ATP8A2: variants seen among roughly 807,000 people sequenced by gnomAD.
ATP8A2 encodes phospholipid-transporting ATPase IB.
Under a neutral mutation model 165.6 loss-of-function variants are expected in ATP8A2, and 100 were observed. The ratio of observed to expected loss-of-function variants is 0.60; its 90% CI spans 0.51 to 0.71. The LOEUF is 0.71. Among genes scored for constraint, ATP8A2 ranks in the 30% least tolerant of loss-of-function variants. The pLI, the probability that ATP8A2 is intolerant of heterozygous loss-of-function variation, is 0.00. For missense variants in ATP8A2, 1,227 were observed against 1,479.5 expected (o/e 0.83, Z 2.80); for synonymous variants, 543 against 548.8 (o/e 0.99, Z 0.15).
chr13:25,747,885 G>A (rs183623497), intron 25 of ATP8A2, among the ~76,000 whole-genome samples: 2 of 152,124 alleles, frequency 1.3e-5, no homozygotes, highest in African/African-American at 4.8e-5. Context: ...CTAAGCTGAC[G>A]TTTTTAGCTG....
At chr13:25,742,653 T>C (rs1460886295) in intron 25 of ATP8A2, among the ~76,000 whole-genome samples, 2 of 140,468 alleles carry the variant, frequency 1.4e-5, no homozygotes, top group Non-Finnish European at 3.0e-5. Flanking sequence ...CCCACTCCAC[T>C]TTTCTCTCTC....
intron 33 of ATP8A2, among the ~76,000 whole-genome samples, chr13:25,921,639 GA>G (rs987858037): frequency 3.7e-5 from 5 of 135,148 alleles, no homozygotes; most frequent in African/African-American, 1.4e-4. Flanking sequence ...AAAAAAAAAA[GA>G]AAAAAACTGA....
chr13:25,839,424 T>C (rs187570400), intron 29 of ATP8A2, 122 bp from the exon 30 acceptor site: 79 of 647,410 alleles, frequency 1.2e-4, no homozygotes, highest in Non-Finnish European at 2.0e-4. Flanking sequence ...AAGAATAATA[T>C]GCTACTCCTG....
intron 24 of ATP8A2, among the ~76,000 whole-genome samples, chr13:25,615,085 G>A (rs2040787497): frequency 6.6e-6 from 1 of 152,276 alleles, no homozygotes; most frequent in Admixed American, 6.5e-5. Context: ...CAGTGGGCAG[G>A]GCCATAGAGC....
intron 24 of ATP8A2, among the ~76,000 whole-genome samples, chr13:25,674,708 G>C (rs926603277): frequency 2.0e-5 from 3 of 152,196 alleles, no homozygotes; most frequent in African/African-American, 7.2e-5. Flanking sequence ...CCCACCCGGA[G>C]ATCCTCAACA....
intron 26 of ATP8A2, among the ~76,000 whole-genome samples, chr13:25,772,038 A>G (rs970567253): frequency 1.3e-5 from 2 of 152,180 alleles, no homozygotes; most frequent in South Asian, 2.1e-4. Flanking sequence ...AAAGTTACGA[A>G]GTGGGCAAAG....
intron 25 of ATP8A2, among the ~76,000 whole-genome samples, chr13:25,719,332 T>C (rs2043322727): frequency 6.6e-6 from 1 of 152,182 alleles, no homozygotes; most frequent in South Asian, 2.1e-4. Flanking sequence ...TTTCTAAGGA[T>C]GCTACTGTCT....
intron 24 of ATP8A2, among the ~76,000 whole-genome samples, chr13:25,646,190 T>G (rs1566010320): frequency 6.6e-6 from 1 of 152,192 alleles, no homozygotes; most frequent in African/African-American, 2.4e-5. Flanking sequence ...TTTTTCTAGT[T>G]TTTTACTTAT....
At chr13:25,529,201 A>G (rs1033276710) in intron 2 of ATP8A2, among the ~76,000 whole-genome samples, 3 of 152,176 alleles carry the variant, frequency 2.0e-5, no homozygotes, top group Non-Finnish European at 2.9e-5. Context: ...GCTAGGAATC[A>G]TATAGGTACT....
chr13:25,374,236 A>G (rs966673326), intron 1 of ATP8A2, among the ~76,000 whole-genome samples: 2 of 152,214 alleles, frequency 1.3e-5, no homozygotes, highest in African/African-American at 2.4e-5. Context: ...ACCTGTGCCC[A>G]GTGCTGCTGA....
intron 28 of ATP8A2, among the ~76,000 whole-genome samples, chr13:25,830,527 A>G (rs868312819): frequency 8.5e-5 from 13 of 152,274 alleles, no homozygotes; most frequent in South Asian, 4.1e-4. Context: ...GTGAACTCCA[A>G]TGTGCCACTG....
At chr13:25,724,567 G>A (rs946434436) in intron 25 of ATP8A2, among the ~76,000 whole-genome samples, 8 of 152,176 alleles carry the variant, frequency 5.3e-5, no homozygotes, top group African/African-American at 1.9e-4. Flanking sequence ...ATTATATACT[G>A]ACTGTTTTCA....
Position 25,398,795 on chromosome 13 carries a change from G to A in ATP8A2, c.76+26507G>A, listed in dbSNP as rs146623800. Among the ~76,000 whole-genome samples the A allele has an allele frequency of 2.8e-3, 424 of 152,240 alleles. 2 individuals carry two copies. Among genetic ancestry groups the A allele is most frequent in the African/African-American group, 9.5e-3 (395 of 41,530 alleles). On this transcript the variant is annotated intron_variant, in intron 1 of 36. Coordinates refer to ENST00000381655, the MANE Select transcript of ATP8A2 (RefSeq NM_016529.6). The stretch of plus-strand genomic sequence containing the variant: ...GAGCTATCAGTGAGGTTGAGAAGTG[G>A]CAGGAAAGAGAAGAGCATCCTTCTC...
At chr13:25,888,529 G>A (rs1000371925) in intron 33 of ATP8A2, among the ~76,000 whole-genome samples, 9 of 152,204 alleles carry the variant, frequency 5.9e-5, no homozygotes, top group Non-Finnish European at 1.3e-4. Flanking sequence ...GTGCTCAAAT[G>A]TTTTACCGCT....
chr13:25,534,531 G>A lies in ATP8A2; in HGVS notation c.507+1218G>A, dbSNP rs4257085. Among the ~76,000 whole-genome samples, 774 of 152,280 alleles carry A rather than the reference G, an allele frequency of 5.1e-3. 8 individuals are homozygous for A. The highest frequency in any genetic ancestry group is 0.017 in the African/African-American group (727 of 41,558). On this transcript the variant is annotated intron_variant, in intron 6 of 36. Transcript: ENST00000381655. ...TGAAACAGCAGAAAATGGAGTGATG[G>A]TCTCTAATTGATGGTCTTCTGTGGT...
chr13:26,016,826 A>G (rs1218076729), intron 36 of ATP8A2, among the ~76,000 whole-genome samples: 1 of 152,192 alleles, frequency 6.6e-6, no homozygotes, highest in Non-Finnish European at 1.5e-5. Context: ...CCTGGGTGTG[A>G]CGGGCCATGA....
chr13:25,521,479 A>G (rs1394590491), intron 2 of ATP8A2, among the ~76,000 whole-genome samples: 2 of 152,204 alleles, frequency 1.3e-5, no homozygotes, highest in Middle Eastern at 6.8e-3. Context: ...TATTTCCCCA[A>G]TGTTTTATTT....
intron 34 of ATP8A2, among the ~76,000 whole-genome samples, chr13:25,966,173 C>A (rs1955773139): frequency 6.6e-6 from 1 of 152,150 alleles, no homozygotes; most frequent in Non-Finnish European, 1.5e-5. Context: ...AGCCAGCACC[C>A]CAACTCTGTC....
intron 25 of ATP8A2, among the ~76,000 whole-genome samples, chr13:25,756,099 C>T (rs543899151): frequency 1.3e-5 from 2 of 152,186 alleles, no homozygotes; most frequent in African/African-American, 4.8e-5. Context: ...AGCACTAGCT[C>T]TCAGCCTGGA....
Sources: gnomAD v4.1 joint callset for allele counts (sites outside exome capture counted in the v4.1 genomes callset) on GRCh38, gnomAD v4.1.1 for gene constraint, MANE v1.5 for transcripts, NCBI Gene and HGNC (gene_info 2026-07-23, HGNC 2026-07-21) for gene names.